NR2F6: variants seen among roughly 807,000 people sequenced by gnomAD.
NR2F6 encodes the protein ERBA-related gene-2.
NR2F6 carries 16 observed loss-of-function variants against 26.5 expected under a neutral mutation model. The ratio of observed to expected loss-of-function variants is 0.60; its 90% CI spans 0.41 to 0.92. The LOEUF (loss-of-function observed/expected upper bound fraction) is 0.92, where lower values mean the gene tolerates loss of function less well. Among genes scored for constraint, NR2F6 ranks in the 40% least tolerant of loss-of-function variants. The pLI is 0.00. For missense variants in NR2F6, 536 were observed against 631.7 expected, an observed-to-expected ratio of 0.85 and a Z score of 1.62; for synonymous variants, 325 against 305.0, an observed-to-expected ratio of 1.07 and a Z score of -0.68.
In NR2F6 at chr19:17,240,743, C is replaced by T. The variant is rs755172489; in HGVS notation, c.301G>A (p.Asp101Asn). ...TGGCACTGGTTCCGGTGGTGCTGGT[C>T]GATCTGGCAGTCACGGTTGGACCTG... ...TCRSNRDCQI[D>N]QHHRNQCQYC... Residue 101 changes from aspartate to asparagine, a missense_variant, in exon 2 of 4, where the codon GAC becomes AAC. Asp to Asn is a conservative substitution (Grantham distance 23). Transcript: ENST00000291442. 6.8e-6 allele frequency: 11 copies of T among 1,614,126 alleles called. No homozygotes were observed. Among genetic ancestry groups the T allele is most frequent in the South Asian group, 1.1e-5 (1 of 91,078 alleles).
chr19:17,232,159 T>A lies in NR2F6; in HGVS notation c.*193A>T. 1 of 798,588 alleles carries A rather than the reference T, an allele frequency of 1.3e-6. No individual in the cohort carries two copies. Among genetic ancestry groups the A allele is most frequent in the Non-Finnish European group, 1.9e-6 (1 of 521,810 alleles). 49.5% of individuals were successfully genotyped at this position (798,588 alleles called of 1,614,324 possible). A position where few individuals can be genotyped will look rare whatever the true frequency, so the allele number is the denominator to read the frequency against. On this transcript the variant is annotated 3_prime_UTR_variant, in exon 4 of 4. Transcript: ENST00000291442. ...GGGGAGGATGAGGCTGAGGCCTGGA[T>A]GATCAGTCTCTTTTTGGTTTCATGA... is the stretch of plus-strand genomic sequence containing the variant.
chr19:17,245,257 G>A lies in NR2F6; in HGVS notation c.-37C>T, dbSNP rs1367117735. The stretch of plus-strand genomic sequence containing the variant: ...AGCGGGGCCGGGGCGCCCCCACCGC[G>A]CTCTTCCCTCCGGGCACCCCTCTCG... On this transcript the variant is annotated 5_prime_UTR_variant, in exon 1 of 4. Transcript: ENST00000291442. The surrounding 1 kb of genome is among the most constrained non-coding windows in gnomAD (Gnocchi z 5.0). The A allele has an allele frequency of 7.3e-6, 9 of 1,224,606 alleles. No homozygotes were observed. Among genetic ancestry groups the A allele is most frequent in the Admixed American group, 8.9e-5 (2 of 22,366 alleles). 75.9% of individuals were successfully genotyped at this position (1,224,606 alleles called of 1,614,324 possible). A position where few individuals can be genotyped will look rare whatever the true frequency, so the allele number is the denominator to read the frequency against.
chr19:17,240,392 C>T (rs1655243493), intron 2 of NR2F6, among the ~76,000 whole-genome samples: 1 of 152,182 alleles, frequency 6.6e-6, no homozygotes, highest in Admixed American at 6.5e-5. Flanking sequence ...GGGGAAAGTC[C>T]CTTGTGGGGC....
intron 1 of NR2F6, among the ~76,000 whole-genome samples, chr19:17,243,274 C>G (rs2073478920): frequency 6.6e-6 from 1 of 152,214 alleles, no homozygotes. Flanking sequence ...CTCACTGTGT[C>G]TCCTCCAGAC....
At position 17,235,641 on chromosome 19, in the gene NR2F6, G is replaced by A; in HGVS notation, c.798C>T (p.His266=). Residue 266 remains histidine (H), a synonymous_variant, in exon 3 of 4, where the codon CAC becomes CAT. Coordinates refer to ENST00000291442, the MANE Select transcript of NR2F6 (RefSeq NM_005234.4). This position sits in a 1 kb window ranked among gnomAD's most constrained non-coding sequence, Gnocchi z 5.0. Reference sequence around the variant, plus strand: ...CGCGCTCGGCGGCCATAGGCGCGGCGTGGAGGCCGGCGGCGGCCAGTAGCG... The same window carrying A: ...CGCGCTCGGCGGCCATAGGCGCGGCATGGAGGCCGGCGGCGGCCAGTAGCG... ...TAPLLAAAGL[H]AAPMAAERAV... 3 of 1,533,966 alleles carry A rather than the reference G, an allele frequency of 2.0e-6. No individual in the cohort carries two copies. Among genetic ancestry groups the A allele is most frequent in the Admixed American group, 1.9e-5 (1 of 51,308 alleles).
In NR2F6 at chr19:17,232,276, C is replaced by A; in HGVS notation, c.*76G>T. On this transcript the variant is annotated 3_prime_UTR_variant, in exon 4 of 4. Transcript: ENST00000291442. ...CCAGAGTCCTGGGCCCCGGGAGGCC[C>A]CTCGAGGCCTCAGCATTCCCTGTCC... 1 of 1,577,686 alleles carries A rather than the reference C, an allele frequency of 6.3e-7. No homozygotes were observed. Among genetic ancestry groups the A allele is most frequent in the Non-Finnish European group, 8.6e-7 (1 of 1,159,898 alleles).
Position 17,245,355 on chromosome 19 carries a change from T to C in NR2F6, c.-135A>G, listed in dbSNP as rs1177156420. On this transcript the variant is annotated 5_prime_UTR_variant, in exon 1 of 4. Transcript: ENST00000291442. The surrounding 1 kb of genome is among the most constrained non-coding windows in gnomAD (Gnocchi z 5.0). Reference sequence around the variant, plus strand: ...GCACGGGCTGCACCCCCCAAAAAAGTTTTGCAGCAACTTCCTGCGGCCGGT... The same window carrying C: ...GCACGGGCTGCACCCCCCAAAAAAGCTTTGCAGCAACTTCCTGCGGCCGGT... The C allele has an allele frequency of 1.3e-6, 1 of 765,240 alleles. No individual in the cohort carries two copies. The highest frequency in any genetic ancestry group is 1.9e-5 in the African/African-American group (1 of 53,674). 47.4% of individuals were successfully genotyped at this position (765,240 alleles called of 1,614,324 possible).
intron 2 of NR2F6, among the ~76,000 whole-genome samples, chr19:17,236,948 G>A (rs1599454495): frequency 6.6e-6 from 1 of 152,276 alleles, no homozygotes; most frequent in South Asian, 2.1e-4. Context: ...GAAGAGAGTT[G>A]GCCATGTGCC....
intron 2 of NR2F6, among the ~76,000 whole-genome samples, chr19:17,238,487 C>T (rs759144828): frequency 3.9e-5 from 6 of 152,110 alleles, no homozygotes; most frequent in African/African-American, 9.7e-5. Flanking sequence ...GGGAAGAGCC[C>T]GTGCAAAGGA....
At position 17,245,035 on chromosome 19, in the gene NR2F6, C is replaced by G; in HGVS notation, c.186G>C (p.Lys62Asn). The change falls in exon 1 of 4, where the codon AAG becomes AAC. Residue 62 changes from lysine (K) to asparagine (N), a missense_variant. Lys to Asn is a moderately conservative substitution (Grantham distance 94). Transcript: ENST00000291442. The surrounding 1 kb of genome is among the most constrained non-coding windows in gnomAD (Gnocchi z 5.0). ...LQVDCVVCGD[K>N]SSGKHYGVFT... Reference sequence around the variant, plus strand: ...AGACACCGTAATGCTTGCCGCTCGACTTGTCCCCGCACACCACGCAGTCCA... The same window carrying G: ...AGACACCGTAATGCTTGCCGCTCGAGTTGTCCCCGCACACCACGCAGTCCA... 2 of 1,603,066 alleles carry G rather than the reference C, an allele frequency of 1.2e-6. No individual in the cohort carries two copies. The highest frequency in any genetic ancestry group is 1.7e-6 in the Non-Finnish European group (2 of 1,175,480).
chr19:17,244,673 G>A (rs1450784288), intron 1 of NR2F6, among the ~76,000 whole-genome samples: 1 of 152,166 alleles, frequency 6.6e-6, no homozygotes, highest in African/African-American at 2.4e-5. Context: ...CCCCTCCCCA[G>A]AGAAAAAGCG....
chr19:17,241,332 TAAAC>T (rs3837925), intron 1 of NR2F6, among the ~76,000 whole-genome samples: 42,338 of 151,314 alleles, frequency 0.28, 5,993 homozygotes, highest in African/African-American at 0.33. Context: ...AATGAGGAAG[TAAAC>T]AAAGTCACTC....
Position 17,240,741 on chromosome 19 carries a change from G to C in NR2F6, c.303C>G (p.Asp101Glu). The change falls in exon 2 of 4, where the codon GAC (aspartate) becomes GAG (glutamate). Residue 101 changes from aspartate to glutamate, a missense_variant. Physicochemically the swap from Asp to Glu is conservative, Grantham distance 45. Coordinates refer to ENST00000291442, the MANE Select transcript of NR2F6 (RefSeq NM_005234.4). ...ACTGGCACTGGTTCCGGTGGTGCTG[G>C]TCGATCTGGCAGTCACGGTTGGACC... Reference protein sequence around the residue: ...TCRSNRDCQIDQHHRNQCQYC... With the variant: ...TCRSNRDCQIEQHHRNQCQYC... The C allele has an allele frequency of 6.2e-7, 1 of 1,614,176 alleles. No individual in the cohort carries two copies.
chr19:17,235,524 G>T lies in NR2F6; in HGVS notation c.915C>A (p.Leu305=). 6.3e-7 allele frequency: 1 copy of T among 1,594,228 alleles called. No individual in the cohort carries two copies. The change falls in exon 3 of 4, where the codon CTC becomes CTA. Residue 305 remains leucine, a synonymous_variant. Coordinates refer to ENST00000291442, the MANE Select transcript of NR2F6 (RefSeq NM_005234.4). The surrounding 1 kb of genome is among the most constrained non-coding windows in gnomAD (Gnocchi z 5.0). ...CGGGCGTGAAGAGCGCGATGGCCTT[G>T]AGGCAGCCATACTCGGCCGAGTCGA... ...LQVDSAEYGC[L]KAIALFTPDA...
At position 17,240,717 on chromosome 19, in the gene NR2F6, C is replaced by T. The variant is rs750956571; in HGVS notation, c.327G>A (p.Gln109=). 6.2e-7 allele frequency: 1 copy of T among 1,614,218 alleles called. No homozygotes were observed. Among genetic ancestry groups the T allele is most frequent in the South Asian group, 1.1e-5 (1 of 91,090 alleles). The change falls in exon 2 of 4, where the codon CAG becomes CAA. Residue 109 remains glutamine, a synonymous_variant. Coordinates refer to ENST00000291442, the MANE Select transcript of NR2F6 (RefSeq NM_005234.4). ...QIDQHHRNQC[Q]YCRLKKCFRV... ...GGAAGCACTTCTTGAGACGGCAGTACTGGCACTGGTTCCGGTGGTGCTGGT... is the reference window on the plus strand; with the variant it reads ...GGAAGCACTTCTTGAGACGGCAGTATTGGCACTGGTTCCGGTGGTGCTGGT...
intron 2 of NR2F6, among the ~76,000 whole-genome samples, chr19:17,238,596 A>T (rs1045828675): frequency 3.3e-5 from 5 of 152,182 alleles, no homozygotes; most frequent in Non-Finnish European, 5.9e-5. Context: ...TGAGGCCATG[A>T]CTTGAGATAT....
Position 17,240,659 on chromosome 19 carries a change from G to C in NR2F6, c.373+12C>G. On this transcript the variant is annotated intron_variant, in intron 2 of 3. Coordinates refer to ENST00000291442, the MANE Select transcript of NR2F6 (RefSeq NM_005234.4). Reference sequence around the variant, plus strand: ...TGTGATCGTCCCCAGTGTGTCCCCAGCACGTACTCACCCTCCTTCCTCATG... The same window carrying C: ...TGTGATCGTCCCCAGTGTGTCCCCACCACGTACTCACCCTCCTTCCTCATG... 2 of 1,613,228 alleles carry C rather than the reference G, an allele frequency of 1.2e-6. No individual in the cohort carries two copies. The highest frequency in any genetic ancestry group is 1.7e-6 in the Non-Finnish European group (2 of 1,179,152).
At position 17,235,384 on chromosome 19, in the gene NR2F6, C is replaced by G; in HGVS notation, c.940+115G>C. On this transcript the variant is annotated intron_variant, in intron 3 of 3. Transcript: ENST00000291442. This position sits in a 1 kb window ranked among gnomAD's most constrained non-coding sequence, Gnocchi z 5.0. ...TTCACTCACGGCGCGTGCAGGGCCC[C>G]AGGCCTAGGGAGCGAGCGGGGCGCT... is the stretch of plus-strand genomic sequence containing the variant. The G allele has an allele frequency of 1.3e-6, 2 of 1,482,568 alleles. No homozygotes were observed. The highest frequency in any genetic ancestry group is 1.8e-6 in the Non-Finnish European group (2 of 1,122,844). 91.8% of individuals were successfully genotyped at this position (1,482,568 alleles called of 1,614,324 possible).
At chr19:17,236,769 TG>T (rs1165213108) in intron 2 of NR2F6, among the ~76,000 whole-genome samples, 7 of 149,422 alleles carry the variant, frequency 4.7e-5, no homozygotes, top group Non-Finnish European at 8.9e-5. Context: ...AGGGAAGGGT[TG>T]GGGGGGACCT....
Sources: allele counts gnomAD v4.1 joint callset (sites outside exome capture counted in the v4.1 genomes callset), GRCh38; gene constraint gnomAD v4.1.1; non-coding constraint Gnocchi (gnomAD v3.1); transcripts MANE v1.5; gene names NCBI Gene and HGNC (gene_info 2026-07-23, HGNC 2026-07-21).